Variants in OPHN1 observed in about 807,000 individuals in gnomAD.
OPHN1 encodes oligophrenin 1.
OPHN1 carries 11 observed loss-of-function variants against 60.7 expected under a neutral mutation model. The observed-to-expected ratio is 0.18, with a 90% CI of 0.11 to 0.30. OPHN1 has a LOEUF of 0.30. Among genes scored for constraint, OPHN1 ranks in the 10% least tolerant of loss-of-function variants. The pLI is 1.00. For synonymous variants in OPHN1, 226 were observed against 222.6 expected, an observed-to-expected ratio of 1.02 and a Z score of -0.14; for missense variants, 449 against 611.0, an observed-to-expected ratio of 0.73 and a Z score of 2.80.
intron 2 of OPHN1, among the ~76,000 whole-genome samples, chrX:68,374,534 C>T (rs1478107582): frequency 9.1e-6 from 1 of 110,332 alleles, no homozygotes; most frequent in Non-Finnish European, 1.9e-5. Flanking sequence ...TCACTGCAGC[C>T]TTGATCTCTC....
At chrX:68,313,151 T>C (rs2078182161) in intron 2 of OPHN1, among the ~76,000 whole-genome samples, 1 of 111,435 alleles carries the variant, frequency 9.0e-6, no homozygotes, top group Non-Finnish European at 1.9e-5. Context: ...AAGGCTTTTA[T>C]CCAAAAGGCA....
chrX:68,053,947 T>A, intron 21 of OPHN1, 137 bp from the exon 22 acceptor site: 1 of 538,488 alleles, frequency 1.9e-6, no homozygotes, highest in Non-Finnish European at 2.8e-6. Flanking sequence ...CAACTCTGGC[T>A]ATTTTTTTTT....
intron 6 of OPHN1, among the ~76,000 whole-genome samples, chrX:68,226,565 G>A (rs1285955543): frequency 6.3e-5 from 7 of 111,638 alleles, no homozygotes; most frequent in Admixed American, 1.9e-4. Context: ...AAGAGAGTAG[G>A]GGCCAATATT....
intron 5 of OPHN1, among the ~76,000 whole-genome samples, chrX:68,239,194 T>C (rs772343592): frequency 4.5e-3 from 44 of 9,790 alleles, no homozygotes; most frequent in East Asian, 0.033. Context: ...CTTCCCGCCA[T>C]AGATGACCTG....
chrX:68,150,240 G>A (rs2077280100), intron 15 of OPHN1, among the ~76,000 whole-genome samples: 1 of 111,523 alleles, frequency 9.0e-6, no homozygotes, highest in South Asian at 3.8e-4. Context: ...TTAGATAGAG[G>A]TGGCAGCTGC....
At chrX:68,105,392 G>T (rs1156751430) in intron 18 of OPHN1, among the ~76,000 whole-genome samples, 1 of 110,467 alleles carries the variant, frequency 9.1e-6, no homozygotes, top group East Asian at 2.8e-4. Flanking sequence ...CAATAGCAAA[G>T]ATTTGGAACC....
intron 5 of OPHN1, among the ~76,000 whole-genome samples, chrX:68,272,324 C>A (rs2077973978): frequency 9.0e-6 from 1 of 111,489 alleles, no homozygotes; most frequent in African/African-American, 3.3e-5. Flanking sequence ...TCACTTTCTT[C>A]ATTGAGACAA....
At chrX:68,081,411 G>C (rs920265028) in intron 19 of OPHN1, among the ~76,000 whole-genome samples, 1 of 111,319 alleles carries the variant, frequency 9.0e-6, no homozygotes, top group Non-Finnish European at 1.9e-5. Context: ...GCTGCAAAAT[G>C]AGAATAGTGA....
intron 15 of OPHN1, among the ~76,000 whole-genome samples, chrX:68,160,974 A>G (rs2077331747): frequency 9.0e-6 from 1 of 111,136 alleles, no homozygotes; most frequent in Non-Finnish European, 1.9e-5. Context: ...AAAACATATG[A>G]CAGTTCAACA....
chrX:68,358,867 C>T (rs906008161), intron 2 of OPHN1, among the ~76,000 whole-genome samples: 1 of 111,807 alleles, frequency 8.9e-6, no homozygotes, highest in African/African-American at 3.2e-5. Flanking sequence ...TGTCCCAAAT[C>T]ACACGACTGT....
chrX:68,074,430 T>G (rs1355338973), intron 19 of OPHN1, among the ~76,000 whole-genome samples: 2 of 111,711 alleles, frequency 1.8e-5, no homozygotes, highest in Non-Finnish European at 3.8e-5. Flanking sequence ...CCACCATCAT[T>G]AGTAATAATA....
intron 2 of OPHN1, among the ~76,000 whole-genome samples, chrX:68,382,845 G>A (rs933351187): frequency 2.7e-5 from 3 of 111,660 alleles, no homozygotes; most frequent in African/African-American, 9.8e-5. Flanking sequence ...TAGATGAGTT[G>A]CAACAGAGAG....
intron 15 of OPHN1, among the ~76,000 whole-genome samples, chrX:68,170,979 T>A (rs191574233): frequency 9.0e-6 from 1 of 110,956 alleles, no homozygotes; most frequent in African/African-American, 3.3e-5. Context: ...TACAAGAGTC[T>A]GGGAAGAAGC....
intron 3 of OPHN1, among the ~76,000 whole-genome samples, chrX:68,292,616 C>A: frequency 9.0e-6 from 1 of 111,388 alleles, no homozygotes; most frequent in Middle Eastern, 4.7e-3. Context: ...GAATCAGCTC[C>A]TAGGCTCAAG....
At position 68,298,401 on chromosome X, in the gene OPHN1, A is replaced by G. The variant is rs541742156; in HGVS notation, c.250+600T>C. ...AACCTCTCCTCTTTACCTTCATAAC[A>G]AATAATACAAACGCAAACTTCTTTT... On this transcript the variant is annotated intron_variant, in intron 3 of 24. Transcript: ENST00000355520. Among the ~76,000 whole-genome samples the G allele has an allele frequency of 5.4e-5, 6 of 112,140 alleles. No individual in the cohort carries two copies. In the South Asian group the frequency reaches 2.2e-3, roughly 42 times the overall value.
chrX:68,078,805 G>A (rs2076963158), intron 19 of OPHN1, among the ~76,000 whole-genome samples: 1 of 109,735 alleles, frequency 9.1e-6, no homozygotes, highest in Non-Finnish European at 1.9e-5. Flanking sequence ...GGCCAACATG[G>A]TGAAACCCTA....
At chrX:68,381,521 C>G (rs906444280) in intron 2 of OPHN1, among the ~76,000 whole-genome samples, 4 of 111,627 alleles carry the variant, frequency 3.6e-5, no homozygotes, top group Non-Finnish European at 5.6e-5. Context: ...CCAACCATCT[C>G]CAACCTATTT....
At chrX:68,188,565 A>G (rs1281510972) in intron 15 of OPHN1, among the ~76,000 whole-genome samples, 1 of 112,270 alleles carries the variant, frequency 8.9e-6, no homozygotes, top group Non-Finnish European at 1.9e-5. Flanking sequence ...CTTGATATGT[A>G]TGGAAAGCTA....
intron 5 of OPHN1, among the ~76,000 whole-genome samples, chrX:68,257,532 G>C (rs1302627088): frequency 9.0e-6 from 1 of 111,217 alleles, no homozygotes; most frequent in Non-Finnish European, 1.9e-5. Flanking sequence ...ACAGGGTACT[G>C]TAAAAATTAG....
Sources: gnomAD v4.1 joint callset for allele counts (sites outside exome capture counted in the v4.1 genomes callset) on GRCh38, gnomAD v4.1.1 for gene constraint, MANE v1.5 for transcripts, NCBI Gene and HGNC (gene_info 2026-07-23, HGNC 2026-07-21) for gene names.